The following CTSC variants were observed in gnomAD, a reference collection of about 807,000 sequenced individuals.
CTSC encodes the protein dipeptidyl peptidase 1.
Under a neutral mutation model 40.9 loss-of-function variants are expected in CTSC, and 37 were observed. That is an observed-to-expected ratio of 0.91 (90% CI 0.70 to 1.19). The LOEUF (loss-of-function observed/expected upper bound fraction) is 1.19. Ranked by LOEUF, CTSC falls within the 50% of genes most tolerant of loss-of-function variation. CTSC has a pLI of 0.00. For synonymous variants in CTSC, 232 were observed against 207.4 expected, an observed-to-expected ratio of 1.12 and a Z score of -1.02; for missense variants, 594 against 567.3, an observed-to-expected ratio of 1.05 and a Z score of -0.48.
chr11:88,320,168 A>G (rs752882544), intron 2 of CTSC, among the ~76,000 whole-genome samples: 12 of 152,358 alleles, frequency 7.9e-5, no homozygotes, highest in Non-Finnish European at 1.8e-4. Flanking sequence ...CAAAACTGCC[A>G]GGAAATAGTT....
chr11:88,296,036 C>T (rs559963486), intron 6 of CTSC, 97 bp downstream of exon 6: 117 of 1,281,328 alleles, frequency 9.1e-5, no homozygotes, highest in East Asian at 5.4e-4. Context: ...ATAGACACTG[C>T]GCTCTCTCTA....
chr11:88,327,823 G>A (rs1938232669), intron 2 of CTSC: 1 of 421,754 alleles, frequency 2.4e-6, no homozygotes, highest in Non-Finnish European at 4.4e-6. Flanking sequence ...TTTTAGCTGG[G>A]TCTTTACCCT....
intron 2 of CTSC, chr11:88,324,363 A>G: frequency 1.0e-6 from 1 of 982,190 alleles, no homozygotes; most frequent in Non-Finnish European, 1.2e-6. Flanking sequence ...CTTTGGTTAT[A>G]TTTACATCCT....
At chr11:88,329,927 A>C (rs1252224875) in intron 2 of CTSC, among the ~76,000 whole-genome samples, 1 of 152,192 alleles carries the variant, frequency 6.6e-6, no homozygotes, top group Admixed American at 6.5e-5. Context: ...AGGTTTCACC[A>C]CGTTGGCCAC....
intron 3 of CTSC, 143 bp from the exon 4 acceptor site, chr11:88,309,461 A>T: frequency 1.4e-6 from 1 of 740,172 alleles, no homozygotes; most frequent in Non-Finnish European, 2.4e-6. Flanking sequence ...TCAATAGCCT[A>T]GAACAGCCTG....
At chr11:88,333,680 C>G (rs1047143979) in intron 2 of CTSC, among the ~76,000 whole-genome samples, 1 of 148,014 alleles carries the variant, frequency 6.8e-6, no homozygotes, top group African/African-American at 2.5e-5. Context: ...TATATAGATA[C>G]TATTGTAAGT....
At chr11:88,312,633 C>T (rs1937790590) in intron 2 of CTSC, 79 bp from the exon 3 acceptor site, 1 of 1,442,838 alleles carries the variant, frequency 6.9e-7, no homozygotes, top group East Asian at 2.4e-5. Flanking sequence ...CTCTCATTCA[C>T]AGTAAATGTG....
At chr11:88,324,383 C>T (rs1938119605) in intron 2 of CTSC, 1 of 983,546 alleles carries the variant, frequency 1.0e-6, no homozygotes, top group Non-Finnish European at 1.2e-6. Flanking sequence ...TGAAAGTCAG[C>T]TTGAAATATG....
chr11:88,335,684 A>G (rs955105549), intron 1 of CTSC, among the ~76,000 whole-genome samples: 5 of 152,212 alleles, frequency 3.3e-5, no homozygotes, highest in Non-Finnish European at 7.3e-5. Context: ...CCACTGAACA[A>G]AAGGAGAAAT....
At chr11:88,321,101 T>C (rs1937995507) in intron 2 of CTSC, 1 of 905,066 alleles carries the variant, frequency 1.1e-6, no homozygotes, top group South Asian at 5.1e-5. Flanking sequence ...AAGAACTCAT[T>C]AGTAATTTTT....
intron 2 of CTSC, among the ~76,000 whole-genome samples, chr11:88,312,893 T>C (rs1230358837): frequency 6.6e-6 from 1 of 152,208 alleles, no homozygotes; most frequent in Non-Finnish European, 1.5e-5. Context: ...AAGAAGACTA[T>C]GAGGATGCAG....
chr11:88,324,571 A>C, intron 2 of CTSC: 1 of 983,268 alleles, frequency 1.0e-6, no homozygotes, highest in South Asian at 4.7e-5. Flanking sequence ...ACTGTGGTGC[A>C]TTTTCCAGGT....
chr11:88,320,690 T>G, intron 2 of CTSC: 1 of 319,824 alleles, frequency 3.1e-6, no homozygotes, highest in Non-Finnish European at 4.5e-6. Flanking sequence ...GAATAAAATA[T>G]AAAAGTCTAA....
intron 2 of CTSC, among the ~76,000 whole-genome samples, chr11:88,317,210 G>A (rs148278958): frequency 0.024 from 3,576 of 152,100 alleles, 151 homozygotes; most frequent in African/African-American, 0.081. Flanking sequence ...CAGGTGATCC[G>A]TCTGCCTCGG....
chr11:88,326,252 A>G lies in CTSC; in HGVS notation c.318+8685T>C. The G allele has an allele frequency of 9.2e-6, 14 of 1,526,742 alleles. No homozygotes were observed. In the South Asian group the frequency reaches 1.8e-4, roughly 19 times the overall value. The allele number at this position is 1,526,742 out of a possible 1,614,324, so 94.6% of individuals were successfully genotyped here. ...GTGTTCAGGAGGGCAGCTGCCTTGG[A>G]GGTAGGTCACCAGGACTCCTTTGCA... On this transcript the variant is annotated intron_variant, in intron 2 of 6. Coordinates refer to ENST00000227266, the MANE Select transcript of CTSC (RefSeq NM_001814.6).
At chr11:88,312,861 A>C (rs1937794596) in intron 2 of CTSC, among the ~76,000 whole-genome samples, 1 of 152,236 alleles carries the variant, frequency 6.6e-6, no homozygotes, top group Non-Finnish European at 1.5e-5. Flanking sequence ...GCATTTTTCA[A>C]AAGTGACTTC....
chr11:88,329,528 C>T (rs1345446996), intron 2 of CTSC, among the ~76,000 whole-genome samples: 1 of 144,328 alleles, frequency 6.9e-6, no homozygotes, highest in Non-Finnish European at 1.5e-5. Flanking sequence ...GTTTGTTTTA[C>T]AGGACTTCCT....
intron 2 of CTSC, chr11:88,326,269 T>A: frequency 6.4e-7 from 1 of 1,572,714 alleles, no homozygotes; most frequent in Non-Finnish European, 8.6e-7. Flanking sequence ...TCACCAGGAC[T>A]CCTTTGCATT....
intron 2 of CTSC, chr11:88,320,834 T>C (rs571697477): frequency 2.3e-6 from 2 of 860,742 alleles, no homozygotes; most frequent in Admixed American, 1.2e-4. Context: ...ATTCTTTATT[T>C]TACAAGTATT....
Sources: gnomAD v4.1 joint callset for allele counts (sites outside exome capture counted in the v4.1 genomes callset) on GRCh38, gnomAD v4.1.1 for gene constraint, MANE v1.5 for transcripts, NCBI Gene and HGNC (gene_info 2026-07-23, HGNC 2026-07-21) for gene names.